ADD1: variants seen among roughly 807,000 people sequenced by gnomAD.
ADD1 encodes the protein adducin 1.
ADD1 carries 24 observed loss-of-function variants against 80.5 expected under a neutral mutation model. That is an observed-to-expected ratio of 0.30 (90% CI 0.22 to 0.42). ADD1 has a LOEUF of 0.42. Among genes scored for constraint, ADD1 ranks in the 10% least tolerant of loss-of-function variants. The probability of loss-of-function intolerance (pLI) is 1.00; values close to 1 mark genes in which losing one functional copy is unlikely to be tolerated. For missense variants in ADD1, 948 were observed against 1,019.0 expected (o/e 0.93, Z 0.95); for synonymous variants, 373 against 393.8 (o/e 0.95, Z 0.63).
intron 1 of ADD1, among the ~76,000 whole-genome samples, chr4:2,865,736 C>A (rs1729451229): frequency 6.6e-6 from 1 of 152,118 alleles, no homozygotes; most frequent in African/African-American, 2.4e-5. Flanking sequence ...GCAAACCACC[C>A]TCACAGAGTG....
intron 1 of ADD1, among the ~76,000 whole-genome samples, chr4:2,858,730 T>C: frequency 6.6e-6 from 1 of 152,220 alleles, no homozygotes. Context: ...CTCATGCCTG[T>C]ATTTCTAGCA....
chr4:2,873,079 G>T (rs1237522427), intron 1 of ADD1, among the ~76,000 whole-genome samples: 1 of 151,868 alleles, frequency 6.6e-6, no homozygotes, highest in African/African-American at 2.4e-5. Context: ...TGCAAACTTT[G>T]CCTCCCAGGT....
intron 1 of ADD1, among the ~76,000 whole-genome samples, chr4:2,859,413 A>G (rs1728525045): frequency 6.6e-6 from 1 of 152,200 alleles, no homozygotes; most frequent in Admixed American, 6.5e-5. Context: ...TACCTGTACT[A>G]TTTTTTTCAG....
chr4:2,897,816 C>G (rs953347644), intron 6 of ADD1, among the ~76,000 whole-genome samples: 4 of 152,142 alleles, frequency 2.6e-5, no homozygotes, highest in Non-Finnish European at 5.9e-5. Context: ...GCCACCATAC[C>G]TGATGGGAAG....
chr4:2,876,606 A>T (rs77202826), intron 2 of ADD1, among the ~76,000 whole-genome samples: 1 of 151,818 alleles, frequency 6.6e-6, no homozygotes, highest in Non-Finnish European at 1.5e-5. Context: ...GGAGGCCAAC[A>T]TGGGTGGATC....
intron 1 of ADD1, among the ~76,000 whole-genome samples, chr4:2,850,277 G>GT (rs1029125105): frequency 4.6e-5 from 7 of 152,180 alleles, no homozygotes; most frequent in African/African-American, 1.7e-4. Context: ...TTTGTTTTTT[G>GT]TTTTTTGTGA....
chr4:2,844,477 A>T (rs1202730018), intron 1 of ADD1: 4 of 152,212 alleles, frequency 2.6e-5, no homozygotes, highest in African/African-American at 9.6e-5. Flanking sequence ...GCCAAAAGAG[A>T]AAAGCCATAT....
intron 1 of ADD1, among the ~76,000 whole-genome samples, chr4:2,856,858 T>A (rs1296069367): frequency 3.3e-5 from 5 of 151,956 alleles, no homozygotes; most frequent in Non-Finnish European, 7.4e-5. Flanking sequence ...CCCGAAGTGC[T>A]GGAATTACAG....
chr4:2,902,386 G>C (rs1426009739), intron 9 of ADD1: 1 of 152,154 alleles, frequency 6.6e-6, no homozygotes, highest in African/African-American at 2.4e-5. Context: ...TTATCTTTCT[G>C]AGGACAATTA....
At chr4:2,860,795 A>C (rs752845487) in intron 1 of ADD1, among the ~76,000 whole-genome samples, 1 of 152,232 alleles carries the variant, frequency 6.6e-6, no homozygotes, top group African/African-American at 2.4e-5. Flanking sequence ...TTAAACTCAT[A>C]TTTCAAATGT....
chr4:2,848,520 A>C (rs904693531), intron 1 of ADD1, among the ~76,000 whole-genome samples: 1 of 152,146 alleles, frequency 6.6e-6, no homozygotes, highest in Non-Finnish European at 1.5e-5. Context: ...CTAGGCGGGA[A>C]TATAGTGATG....
chr4:2,861,071 A>G (rs1728760896), intron 1 of ADD1, among the ~76,000 whole-genome samples: 1 of 152,216 alleles, frequency 6.6e-6, no homozygotes, highest in South Asian at 2.1e-4. Context: ...GATAAGGACT[A>G]AGGCATTCAA....
chr4:2,903,946 G>C (rs561889025), intron 9 of ADD1, among the ~76,000 whole-genome samples: 3 of 152,190 alleles, frequency 2.0e-5, no homozygotes, highest in African/African-American at 7.2e-5. Context: ...TTTGAATGTT[G>C]TTGTATTCAG....
intron 1 of ADD1, among the ~76,000 whole-genome samples, chr4:2,859,943 G>C (rs1299329981): frequency 1.4e-5 from 2 of 147,238 alleles, no homozygotes; most frequent in Admixed American, 1.3e-4. Context: ...TTTTTCAGGA[G>C]AAACATTCTC....
intron 14 of ADD1, among the ~76,000 whole-genome samples, chr4:2,923,667 C>T (rs1185622215): frequency 6.6e-6 from 1 of 152,264 alleles, no homozygotes; most frequent in Non-Finnish European, 1.5e-5. Context: ...GAGAGACCTC[C>T]TTTACTCAGT....
At chr4:2,852,138 TTTTCTTTCTTTCTTTCTTTC>T (rs754218185) in intron 1 of ADD1, among the ~76,000 whole-genome samples, 40 of 97,660 alleles carry the variant, frequency 4.1e-4, no homozygotes, top group South Asian at 8.4e-4. Flanking sequence ...ACCCGGCCTC[TTTTCTTTCTTTCTTTCTTTC>T]TTTCTTTCTT....
chr4:2,928,672 C>G lies in ADD1; in HGVS notation c.*149C>G, dbSNP rs1577777433. ...CCTCACGTGACCAGCCCCGTGTAGC[C>G]CCGGGCTGACCCAGTGTGTGCTCAG... On this transcript the variant is annotated 3_prime_UTR_variant, in exon 16 of 16. Transcript: ENST00000683351. 1.8e-5 allele frequency: 14 copies of G among 777,588 alleles called. No homozygotes were observed. In the East Asian group the frequency reaches 3.9e-4, roughly 22 times the overall value. 48.2% of individuals were successfully genotyped at this position (777,588 alleles called of 1,614,324 possible).
intron 1 of ADD1, among the ~76,000 whole-genome samples, chr4:2,870,475 A>AT (rs1323828587): frequency 1.4e-4 from 21 of 152,220 alleles, no homozygotes; most frequent in African/African-American, 5.1e-4. Flanking sequence ...GCTAGCAAGA[A>AT]TTTGTATAAT....
At chr4:2,918,280 A>G (rs906831343) in intron 14 of ADD1, among the ~76,000 whole-genome samples, 21 of 152,310 alleles carry the variant, frequency 1.4e-4, no homozygotes, top group African/African-American at 3.4e-4. Flanking sequence ...CTTTGTAGCA[A>G]TTGTGAATGG....
Sources: gnomAD v4.1 joint callset for allele counts (sites outside exome capture counted in the v4.1 genomes callset) on GRCh38, gnomAD v4.1.1 for gene constraint, MANE v1.5 for transcripts, NCBI Gene and HGNC (gene_info 2026-07-23, HGNC 2026-07-21) for gene names.